Variants in RYR3 observed in about 807,000 individuals in gnomAD.
RYR3 encodes ryanodine receptor 3.
In RYR3, 207 loss-of-function variants were observed where a neutral mutation model predicts 584.3. The observed-to-expected ratio is 0.35, with a 90% CI of 0.32 to 0.40. The LOEUF is 0.40. RYR3 is among the 10% of genes least tolerant of loss of function. RYR3 has a pLI of 1.00. For missense variants in RYR3, 5,616 were observed against 6,089.2 expected (o/e 0.92, Z 2.59); for synonymous variants, 2,416 against 2,248.5 (o/e 1.07, Z -2.11).
At chr15:33,487,892 T>G (rs1016454085) in intron 2 of RYR3, among the ~76,000 whole-genome samples, 1 of 152,212 alleles carries the variant, frequency 6.6e-6, no homozygotes, top group African/African-American at 2.4e-5. Flanking sequence ...ATCTTCCTGT[T>G]TCTACATCCA....
rs140734443 is a variant in RYR3 at position 33,380,654 on chromosome 15, G to A, written c.51+69558G>A. ...TGCATCTTCCAAAGTACAGCCAGTCGCATTTGCACATGGCGCTAAGCCATG... is the reference window on the plus strand; with the variant it reads ...TGCATCTTCCAAAGTACAGCCAGTCACATTTGCACATGGCGCTAAGCCATG... On this transcript the variant is annotated intron_variant, in intron 1 of 103. Coordinates refer to ENST00000634891, the MANE Select transcript of RYR3 (RefSeq NM_001036.6). 3.1e-4 allele frequency among the ~76,000 whole-genome samples: 47 copies of A among 152,334 alleles called. No individual in the cohort carries two copies. The East Asian group carries it at 8.3e-3, about 27-fold the overall frequency.
intron 1 of RYR3, among the ~76,000 whole-genome samples, chr15:33,401,622 C>T (rs1292560205): frequency 6.6e-6 from 1 of 152,140 alleles, no homozygotes; most frequent in Non-Finnish European, 1.5e-5. Flanking sequence ...AGTATGTGAA[C>T]ATGACAGTGT....
chr15:33,373,764 G>A (rs1055722587), intron 1 of RYR3, among the ~76,000 whole-genome samples: 3 of 152,148 alleles, frequency 2.0e-5, no homozygotes, highest in African/African-American at 7.2e-5. Flanking sequence ...ATTAAATTAT[G>A]CCTTCAAATA....
chr15:33,534,389 G>A (rs912863073), intron 5 of RYR3, among the ~76,000 whole-genome samples: 2 of 152,258 alleles, frequency 1.3e-5, no homozygotes, highest in East Asian at 1.9e-4. Context: ...GGAGAAGAGC[G>A]AGACTTCGTC....
chr15:33,580,480 G>A (rs2058534402), intron 13 of RYR3, among the ~76,000 whole-genome samples: 2 of 152,314 alleles, frequency 1.3e-5, no homozygotes, highest in South Asian at 4.1e-4. Flanking sequence ...TGGGAAACCT[G>A]TTTGAAAAAT....
intron 1 of RYR3, among the ~76,000 whole-genome samples, chr15:33,403,849 G>C (rs145582330): frequency 1.2e-3 from 178 of 152,210 alleles, no homozygotes; most frequent in Non-Finnish European, 2.2e-3. Context: ...TCTTAGTTGG[G>C]TTTGGCTGAG....
At chr15:33,420,371 A>C (rs151094796) in intron 1 of RYR3, among the ~76,000 whole-genome samples, 188 of 152,324 alleles carry the variant, frequency 1.2e-3, no homozygotes, top group African/African-American at 4.2e-3. Flanking sequence ...CCTGTTTATA[A>C]GTCCCACAAA....
At chr15:33,835,435 C>G (rs754314532) in intron 87 of RYR3, among the ~76,000 whole-genome samples, 10 of 152,182 alleles carry the variant, frequency 6.6e-5, no homozygotes, top group Non-Finnish European at 1.3e-4. Flanking sequence ...TGTTGCATGT[C>G]TCTGTAATCC....
chr15:33,821,288 CA>C lies in RYR3; in HGVS notation c.10840del (p.Thr3614ProfsTer20). The C allele has an allele frequency of 6.3e-7, 1 of 1,597,798 alleles. No individual in the cohort carries two copies. Among genetic ancestry groups the C allele is most frequent in the Non-Finnish European group, 8.5e-7 (1 of 1,172,402 alleles). On this transcript the variant is annotated frameshift_variant, in exon 79 of 104. Coordinates refer to ENST00000634891, the MANE Select transcript of RYR3 (RefSeq NM_001036.6). LOFTEE classifies it high-confidence loss of function. ...CCCCCAGGAGAAAGAGATGGAGAAG[CA>C]AAAAACCCTCTATCAGCAAGCTCGG... ...KTFEEKEMEKQKTLYQQARLH... is the reference protein window; with the variant it reads ...KTFEEKEMEKXKTLYQQARLH...
chr15:33,405,512 T>A (rs1181693033), intron 1 of RYR3, among the ~76,000 whole-genome samples: 1 of 152,196 alleles, frequency 6.6e-6, no homozygotes, highest in African/African-American at 2.4e-5. Flanking sequence ...CTCCTTGGCA[T>A]GCTGATGTAT....
intron 69 of RYR3, among the ~76,000 whole-genome samples, chr15:33,806,473 C>T (rs62016673): frequency 0.014 from 2,090 of 151,064 alleles, 33 homozygotes; most frequent in Non-Finnish European, 0.015. Flanking sequence ...GGCAACATAG[C>T]GAAACCCTGT....
At chr15:33,369,518 A>C (rs1021019750) in intron 1 of RYR3, among the ~76,000 whole-genome samples, 1 of 151,964 alleles carries the variant, frequency 6.6e-6, no homozygotes, top group Admixed American at 6.5e-5. Flanking sequence ...GAGCTCCTTT[A>C]CCATAGGATT....
intron 89 of RYR3, chr15:33,840,604 G>C (rs1464422357): frequency 3.4e-6 from 2 of 590,054 alleles, no homozygotes; most frequent in African/African-American, 1.9e-5. Flanking sequence ...GTAAGTTATA[G>C]AAGGGAGGTT....
chr15:33,754,216 C>G (rs2071593052), intron 57 of RYR3, among the ~76,000 whole-genome samples: 2 of 152,146 alleles, frequency 1.3e-5, no homozygotes, highest in Admixed American at 1.3e-4. Context: ...GCCTGTGCTC[C>G]CTGCTTCTAC....
At chr15:33,653,598 AG>A (rs2062629606) in intron 32 of RYR3, among the ~76,000 whole-genome samples, 1 of 151,790 alleles carries the variant, frequency 6.6e-6, no homozygotes, top group Non-Finnish European at 1.5e-5. Flanking sequence ...TGAACCTGGG[AG>A]GCAGAGGTTG....
intron 60 of RYR3, among the ~76,000 whole-genome samples, chr15:33,767,525 A>C (rs1388205482): frequency 8.1e-4 from 2 of 2,484 alleles, no homozygotes; most frequent in African/African-American, 8.9e-4. Context: ...CAGGGCATTT[A>C]TTGAAAACAT....
Position 33,772,155 on chromosome 15 carries a change from C to G in RYR3, c.9052C>G (p.Leu3018Val). ...VTQHQFGMDLLLGDVQISCYH... is the reference protein window; with the variant it reads ...VTQHQFGMDLVLGDVQISCYH... ...TCAGCATCAGTTTGGAATGGATCTA[C>G]TCTGTGAGTTCTACTGGTATTTGTC... is the stretch of plus-strand genomic sequence containing the variant. Residue 3018 changes from leucine (L) to valine (V), a missense_variant, in exon 63 of 104, where the codon CTC (leucine) becomes GTC (valine). Physicochemically the swap from Leu to Val is conservative, Grantham distance 32. Around this residue, in one of 9 missense-constraint regions of RYR3, gnomAD observed 954 missense variants for 1,132.2 expected, o/e 0.84. Coordinates refer to ENST00000634891, the MANE Select transcript of RYR3 (RefSeq NM_001036.6). 6.3e-7 allele frequency: 1 copy of G among 1,598,722 alleles called. No individual in the cohort carries two copies. The highest frequency in any genetic ancestry group is 8.6e-7 in the Non-Finnish European group (1 of 1,166,916).
intron 3 of RYR3, among the ~76,000 whole-genome samples, chr15:33,515,293 C>T (rs1290617877): frequency 6.6e-6 from 1 of 152,190 alleles, no homozygotes; most frequent in Non-Finnish European, 1.5e-5. Context: ...AGGCAGCTGA[C>T]CCAGGTCACC....
intron 1 of RYR3, among the ~76,000 whole-genome samples, chr15:33,420,157 C>T (rs1368043592): frequency 6.6e-6 from 1 of 152,152 alleles, no homozygotes; most frequent in East Asian, 1.9e-4. Flanking sequence ...CACACTTTCT[C>T]CTTTGGAGAA....
Sources: gnomAD v4.1 joint callset for allele counts (sites outside exome capture counted in the v4.1 genomes callset) on GRCh38, gnomAD v4.1.1 for gene constraint, gnomAD v4.1.1 regional missense constraint, MANE v1.5 for transcripts, NCBI Gene and HGNC (gene_info 2026-07-23, HGNC 2026-07-21) for gene names.